PRRX2: variants seen among roughly 807,000 people sequenced by gnomAD.
PRRX2 encodes the protein paired mesoderm homeobox protein 2.
A neutral mutation model predicts 18.0 loss-of-function variants in PRRX2; 11 were observed. That is an observed-to-expected ratio of 0.61 (90% CI 0.39 to 1.01). PRRX2 has a LOEUF of 1.01. PRRX2 is among the 50% of genes least tolerant of loss of function. The pLI, the probability that PRRX2 is intolerant of heterozygous loss-of-function variation, is 0.01. For missense variants in PRRX2, 387 were observed against 351.0 expected, an observed-to-expected ratio of 1.10 and a Z score of -0.82; for synonymous variants, 177 against 154.8, an observed-to-expected ratio of 1.14 and a Z score of -1.06.
In PRRX2 at chr9:129,675,422, G is replaced by A. The variant is rs1041245571; in HGVS notation, c.259+9296G>A. Among the ~76,000 whole-genome samples the A allele has an allele frequency of 2.0e-5, 3 of 152,100 alleles. No homozygotes were observed. The highest frequency in any genetic ancestry group is 2.9e-5 in the Non-Finnish European group (2 of 67,978). ...TTTGGTGGCCAGGGTTGGGGTGTAG[G>A]AGGCAGTCAAAAGCACCCCTGCTGA... On this transcript the variant is annotated intron_variant, in intron 1 of 3. Coordinates refer to ENST00000372469, the MANE Select transcript of PRRX2 (RefSeq NM_016307.4). The surrounding 1 kb of genome is among the most constrained non-coding windows in gnomAD (Gnocchi z 4.4).
At chr9:129,666,545 T>C (rs1291094764) in intron 1 of PRRX2, among the ~76,000 whole-genome samples, 1 of 151,208 alleles carries the variant, frequency 6.6e-6, no homozygotes, top group African/African-American at 2.4e-5. Flanking sequence ...TAAGTTGGGC[T>C]CTTTGGGGGG....
chr9:129,677,819 C>T (rs949461587), intron 1 of PRRX2, among the ~76,000 whole-genome samples: 7 of 152,160 alleles, frequency 4.6e-5, no homozygotes, highest in Non-Finnish European at 7.3e-5. Context: ...GAAGTAAAAA[C>T]GGACTACTCT....
chr9:129,694,988 C>G (rs1832403304), intron 1 of PRRX2, among the ~76,000 whole-genome samples: 1 of 152,196 alleles, frequency 6.6e-6, no homozygotes, highest in Non-Finnish European at 1.5e-5. Context: ...TGAAAGGGCT[C>G]ACCATGGAGG....
chr9:129,714,619 C>CAT (rs936380912), intron 1 of PRRX2, among the ~76,000 whole-genome samples: 1 of 152,094 alleles, frequency 6.6e-6, no homozygotes, highest in African/African-American at 2.4e-5. Flanking sequence ...TGGGGGCGGT[C>CAT]TGGGGCTGGC....
At chr9:129,696,241 C>G (rs1254033540) in intron 1 of PRRX2, among the ~76,000 whole-genome samples, 3 of 152,086 alleles carry the variant, frequency 2.0e-5, no homozygotes, top group Admixed American at 6.6e-5. Flanking sequence ...AAAACGAAAA[C>G]AAGCCACATA....
At chr9:129,701,509 G>A (rs1231715654) in intron 1 of PRRX2, among the ~76,000 whole-genome samples, 1 of 152,202 alleles carries the variant, frequency 6.6e-6, no homozygotes, top group African/African-American at 2.4e-5. Context: ...ATATGGTTGG[G>A]CAGGTTGTCC....
Position 129,671,113 on chromosome 9 carries a change from A to G in PRRX2, c.259+4987A>G, listed in dbSNP as rs1013952120. On this transcript the variant is annotated intron_variant, in intron 1 of 3. Coordinates refer to ENST00000372469, the MANE Select transcript of PRRX2 (RefSeq NM_016307.4). The surrounding 1 kb of genome is among the most constrained non-coding windows in gnomAD (Gnocchi z 4.0). ...TTGACTCAGGCTTAGGAACCCCATG[A>G]TGGGCGTGTCTCCCTGGGATGTGGG... Among the ~76,000 whole-genome samples the G allele has an allele frequency of 4.6e-5, 7 of 152,176 alleles. No individual in the cohort carries two copies. The highest frequency in any genetic ancestry group is 1.7e-4 in the African/African-American group (7 of 41,438).
intron 1 of PRRX2, chr9:129,712,942 G>A (rs1832647559): frequency 6.6e-6 from 1 of 152,210 alleles, no homozygotes; most frequent in South Asian, 2.1e-4. Flanking sequence ...AATGCTTTAA[G>A]CCCAAGCACG....
chr9:129,682,073 G>A (rs1460228655), intron 1 of PRRX2, among the ~76,000 whole-genome samples: 2 of 152,114 alleles, frequency 1.3e-5, no homozygotes, highest in African/African-American at 2.4e-5. Context: ...GGGAGCTGTT[G>A]GCCAAATGCC....
rs1230118446 is a variant in PRRX2 at position 129,675,336 on chromosome 9, G to C, written c.259+9210G>C. On this transcript the variant is annotated intron_variant, in intron 1 of 3. Coordinates refer to ENST00000372469, the MANE Select transcript of PRRX2 (RefSeq NM_016307.4). The surrounding 1 kb of genome is among the most constrained non-coding windows in gnomAD (Gnocchi z 4.4). ...AGGCAGCCCAGGGGCGTGGAATGCA[G>C]GGGTGATGTGATAGGGACGATTCCT... Among the ~76,000 whole-genome samples, 5 of 152,304 alleles carry C rather than the reference G, an allele frequency of 3.3e-5. No individual in the cohort carries two copies. The highest frequency in any genetic ancestry group is 2.1e-4 in the South Asian group (1 of 4,832).
chr9:129,675,637 C>T lies in PRRX2; in HGVS notation c.259+9511C>T, dbSNP rs1029985649. 2.6e-5 allele frequency among the ~76,000 whole-genome samples: 4 copies of T among 152,000 alleles called. No individual in the cohort carries two copies. The highest frequency in any genetic ancestry group is 9.7e-5 in the African/African-American group (4 of 41,384). Reference sequence around the variant, plus strand: ...CACCCCCGCCTCCCTGTCTGTCCTCCCCCACTGCCGGTCTCCCCCTCGCTG... The same window carrying T: ...CACCCCCGCCTCCCTGTCTGTCCTCTCCCACTGCCGGTCTCCCCCTCGCTG... On this transcript the variant is annotated intron_variant, in intron 1 of 3. Coordinates refer to ENST00000372469, the MANE Select transcript of PRRX2 (RefSeq NM_016307.4). The surrounding 1 kb of genome is among the most constrained non-coding windows in gnomAD (Gnocchi z 4.4).
At chr9:129,686,562 G>T (rs1049382871) in intron 1 of PRRX2, among the ~76,000 whole-genome samples, 4 of 152,086 alleles carry the variant, frequency 2.6e-5, no homozygotes, top group Admixed American at 2.0e-4. Context: ...TGAGCTCCTG[G>T]GCTCAAGTGA....
chr9:129,680,400 C>CAAAAAAAAAA (rs1207606607), intron 1 of PRRX2, among the ~76,000 whole-genome samples: 2 of 85,830 alleles, frequency 2.3e-5, no homozygotes, highest in African/African-American at 5.1e-5. Context: ...GACTCCGTCT[C>CAAAAAAAAAA]AAAAAAAAAA....
intron 1 of PRRX2, among the ~76,000 whole-genome samples, chr9:129,717,038 A>ATTTT (rs1832717128): frequency 6.6e-6 from 1 of 151,712 alleles, no homozygotes; most frequent in Non-Finnish European, 1.5e-5. Flanking sequence ...TTATTTTTAA[A>ATTTT]TTTTATTTAT....
At chr9:129,686,357 T>C (rs1232405221) in intron 1 of PRRX2, among the ~76,000 whole-genome samples, 1 of 152,156 alleles carries the variant, frequency 6.6e-6, no homozygotes, top group African/African-American at 2.4e-5. Context: ...TACTTTTGTT[T>C]TGTTTTTGAG....
intron 1 of PRRX2, among the ~76,000 whole-genome samples, chr9:129,711,193 G>T (rs994007249): frequency 6.6e-6 from 1 of 152,130 alleles, no homozygotes; most frequent in Non-Finnish European, 1.5e-5. Context: ...GTGTGGGGAA[G>T]TGGCTAAGAC....
chr9:129,697,241 G>A (rs1832437256), intron 1 of PRRX2, among the ~76,000 whole-genome samples: 1 of 152,166 alleles, frequency 6.6e-6, no homozygotes, highest in South Asian at 2.1e-4. Flanking sequence ...CCTGGAGAGC[G>A]GGAGTGGAGA....
chr9:129,693,198 G>A (rs369913698), intron 1 of PRRX2, among the ~76,000 whole-genome samples: 87 of 152,246 alleles, frequency 5.7e-4, no homozygotes, highest in African/African-American at 1.9e-3. Context: ...TGTCTTTTTG[G>A]TGAGGTGTCT....
chr9:129,722,210 C>T lies in PRRX2; in HGVS notation c.627-7C>T, dbSNP rs1210794307. ...CCCATGTGACCTGTGTCTCATGTCG[C>T]CCCCAGCACAGTGCCACCCTACAGC... On this transcript the variant is annotated splice_polypyrimidine_tract_variant and splice_region_variant and intron_variant, in intron 3 of 3. Transcript: ENST00000372469. The T allele has an allele frequency of 3.1e-6, 5 of 1,612,016 alleles. No homozygotes were observed. The East Asian group carries it at 1.1e-4, about 36-fold the overall frequency.
Sources: allele counts gnomAD v4.1 joint callset (sites outside exome capture counted in the v4.1 genomes callset), GRCh38; gene constraint gnomAD v4.1.1; non-coding constraint Gnocchi (gnomAD v3.1); transcripts MANE v1.5; gene names NCBI Gene and HGNC (gene_info 2026-07-23, HGNC 2026-07-21).